Variants in PLCB4 observed in about 807,000 individuals in gnomAD.
PLCB4 encodes the protein 1-phosphatidylinositol 4,5-bisphosphate phosphodiesterase beta-4.
In PLCB4, 77 loss-of-function variants were observed where a neutral mutation model predicts 178.8. The ratio of observed to expected loss-of-function variants is 0.43; its 90% confidence interval spans 0.36 to 0.52. PLCB4 has a LOEUF of 0.52. Ranked by LOEUF, PLCB4 falls within the 20% of genes least tolerant of loss-of-function variation. The pLI is 0.00. For missense variants in PLCB4, 1,024 were observed against 1,453.4 expected, an observed-to-expected ratio of 0.70 and a Z score of 4.80; for synonymous variants, 496 against 490.8, an observed-to-expected ratio of 1.01 and a Z score of -0.14.
chr20:9,311,242 T>C (rs1308339825), intron 4 of PLCB4, among the ~76,000 whole-genome samples: 1 of 152,202 alleles, frequency 6.6e-6, no homozygotes, highest in Admixed American at 6.5e-5. Context: ...TGATGACTTA[T>C]GTCCTCAAAT....
intron 25 of PLCB4, among the ~76,000 whole-genome samples, chr20:9,414,935 G>T (rs752814173): frequency 6.6e-6 from 1 of 152,242 alleles, no homozygotes. Context: ...CCCACAGGCC[G>T]TACGTTCTAA....
At chr20:9,388,415 G>GTATTTTC (rs1358515809) in intron 15 of PLCB4, among the ~76,000 whole-genome samples, 1 of 151,646 alleles carries the variant, frequency 6.6e-6, no homozygotes, top group African/African-American at 2.4e-5. Flanking sequence ...ATCACCATGG[G>GTATTTTC]TATTTTCAAA....
chr20:9,208,535 C>CTT (rs1018303331), intron 2 of PLCB4, among the ~76,000 whole-genome samples: 1 of 146,096 alleles, frequency 6.8e-6, no homozygotes, highest in Admixed American at 6.9e-5. Context: ...TAAACTTTTA[C>CTT]TTTTTTTTTT....
chr20:9,413,803 C>A (rs2040044319), intron 25 of PLCB4, among the ~76,000 whole-genome samples: 1 of 152,198 alleles, frequency 6.6e-6, no homozygotes, highest in South Asian at 2.1e-4. Context: ...CTCTGTCACC[C>A]AGGCTCAAGT....
At chr20:9,375,214 ACTCCCTCTTT>A (rs1198457849) in intron 12 of PLCB4, among the ~76,000 whole-genome samples, 1 of 151,988 alleles carries the variant, frequency 6.6e-6, no homozygotes, top group Non-Finnish European at 1.5e-5. Context: ...TGTTCCTTGC[ACTCCCTCTTT>A]TGAGTCCTAC....
intron 3 of PLCB4, among the ~76,000 whole-genome samples, chr20:9,251,447 A>G (rs970693763): frequency 1.3e-5 from 2 of 152,180 alleles, no homozygotes; most frequent in East Asian, 1.9e-4. Flanking sequence ...TTTTTTATCT[A>G]ACAAGAAATA....
intron 33 of PLCB4, 41 bp downstream of exon 33, chr20:9,453,503 T>C (rs1270888844): frequency 4.1e-6 from 5 of 1,233,970 alleles, no homozygotes; most frequent in Non-Finnish European, 5.9e-6. Flanking sequence ...TCTCTATGTT[T>C]ATATTTTGTC....
chr20:9,260,299 T>G (rs1290331056), intron 3 of PLCB4, among the ~76,000 whole-genome samples: 5 of 152,128 alleles, frequency 3.3e-5, no homozygotes, highest in Non-Finnish European at 5.9e-5. Flanking sequence ...TTCAGGCTAG[T>G]GTACTGTTTT....
chr20:9,154,512 C>T (rs1203757239), intron 2 of PLCB4, among the ~76,000 whole-genome samples: 2 of 152,116 alleles, frequency 1.3e-5, no homozygotes, highest in South Asian at 2.1e-4. Context: ...AATGCTCAGT[C>T]GTCTGTGGCT....
chr20:9,258,714 CAAA>C lies in PLCB4; in HGVS notation c.-16+41282_-16+41284del, dbSNP rs969525907. ...TGGGTGACAGAGCTAGACTTCCTCT[CAAA>C]AAAAAAAAAAAAAAAAAAAGATAAT... On this transcript the variant is annotated intron_variant, in intron 3 of 39. Transcript: ENST00000378473. Among the ~76,000 whole-genome samples, 321 of 62,774 alleles carry C rather than the reference CAAA, an allele frequency of 5.1e-3. 1 individual carries two copies. The highest frequency in any genetic ancestry group is 0.016 in the African/African-American group (299 of 18,520). 41.2% of individuals were successfully genotyped at this position (62,774 alleles called of 152,430 possible). A position where few individuals can be genotyped will look rare whatever the true frequency, so the allele number is the denominator to read the frequency against.
chr20:9,124,155 C>T (rs1388884624), intron 2 of PLCB4, among the ~76,000 whole-genome samples: 2 of 152,040 alleles, frequency 1.3e-5, no homozygotes, highest in Non-Finnish European at 2.9e-5. Flanking sequence ...TGATGTGGCC[C>T]ATAGGCTATA....
At chr20:9,113,146 C>G (rs1369610253) in intron 2 of PLCB4, among the ~76,000 whole-genome samples, 1 of 152,280 alleles carries the variant, frequency 6.6e-6, no homozygotes, top group South Asian at 2.1e-4. Flanking sequence ...AAAATGGACT[C>G]TTTAAAGTAA....
At chr20:9,398,418 T>A (rs1444218068) in intron 19 of PLCB4, among the ~76,000 whole-genome samples, 1 of 152,146 alleles carries the variant, frequency 6.6e-6, no homozygotes, top group Non-Finnish European at 1.5e-5. Context: ...TTTATAGAAC[T>A]GTGTTTCAAA....
intron 2 of PLCB4, among the ~76,000 whole-genome samples, chr20:9,152,549 T>A (rs1164777502): frequency 1.3e-5 from 2 of 152,112 alleles, no homozygotes; most frequent in East Asian, 3.9e-4. Context: ...TGCACAGAAG[T>A]CAAGCACTGA....
At chr20:9,440,691 T>A (rs1250580630) in intron 30 of PLCB4, among the ~76,000 whole-genome samples, 1 of 152,104 alleles carries the variant, frequency 6.6e-6, no homozygotes, top group African/African-American at 2.4e-5. Flanking sequence ...AAGTCACATG[T>A]AAGTAGGTGT....
chr20:9,409,420 C>G (rs1195023128), intron 24 of PLCB4, among the ~76,000 whole-genome samples: 1 of 151,830 alleles, frequency 6.6e-6, no homozygotes, highest in African/African-American at 2.4e-5. Flanking sequence ...AATGCCATGA[C>G]TATTCCTGCT....
intron 2 of PLCB4, among the ~76,000 whole-genome samples, chr20:9,181,460 G>T (rs1423486085): frequency 6.6e-6 from 1 of 152,094 alleles, no homozygotes; most frequent in Non-Finnish European, 1.5e-5. Context: ...ATCACAAAAT[G>T]CCATAGACTA....
At chr20:9,124,042 G>C (rs1370524183) in intron 2 of PLCB4, among the ~76,000 whole-genome samples, 2 of 152,070 alleles carry the variant, frequency 1.3e-5, no homozygotes, top group African/African-American at 4.8e-5. Context: ...ATATAATTAT[G>C]ATGGGAGTTG....
chr20:9,457,712 G>T (rs2043143155), intron 34 of PLCB4, among the ~76,000 whole-genome samples: 2 of 152,028 alleles, frequency 1.3e-5, no homozygotes, highest in Non-Finnish European at 2.9e-5. Flanking sequence ...CTTGTCTGTT[G>T]AACTATGCTA....
Sources: allele counts gnomAD v4.1 joint callset (sites outside exome capture counted in the v4.1 genomes callset), GRCh38; gene constraint gnomAD v4.1.1; transcripts MANE v1.5; gene names NCBI Gene and HGNC (gene_info 2026-07-23, HGNC 2026-07-21).